Variants in SETBP1 observed in about 807,000 individuals in gnomAD.
The protein encoded by SETBP1 is SET-binding protein.
In SETBP1, 9 loss-of-function variants were observed where a neutral mutation model predicts 101.0. The ratio of observed to expected loss-of-function variants is 0.09; its 90% confidence interval spans 0.05 to 0.16. The LOEUF (loss-of-function observed/expected upper bound fraction) is 0.16, where lower values mean the gene tolerates loss of function less well. Among genes scored for constraint, SETBP1 ranks in the 10% least tolerant of loss-of-function variants. The pLI is 1.00. For synonymous variants in SETBP1, 818 were observed against 788.5 expected (o/e 1.04, Z -0.63); for missense variants, 1,858 against 2,033.8 (o/e 0.91, Z 1.66).
intron 2 of SETBP1, among the ~76,000 whole-genome samples, chr18:44,837,185 C>A (rs1418179108): frequency 1.3e-5 from 2 of 152,162 alleles, no homozygotes; most frequent in African/African-American, 4.8e-5. Flanking sequence ...CTTTGCTATG[C>A]ACTCCTTTTT....
intron 3 of SETBP1, among the ~76,000 whole-genome samples, chr18:44,936,640 C>T (rs1031061443): frequency 4.6e-5 from 7 of 152,144 alleles, no homozygotes; most frequent in African/African-American, 1.4e-4. Context: ...TCTAGGGGCA[C>T]GTTTGCTCTC....
At chr18:44,877,355 CT>C in intron 3 of SETBP1, 1 of 964,638 alleles carries the variant, frequency 1.0e-6, no homozygotes, top group Non-Finnish European at 1.2e-6. Flanking sequence ...GTTTGATAAG[CT>C]CTGTTCTAGT....
chr18:45,063,361 G>C lies in SETBP1; in HGVS notation c.4454G>C (p.Arg1485Thr). The C allele has an allele frequency of 6.4e-7, 1 of 1,572,972 alleles. No homozygotes were observed. Among genetic ancestry groups the C allele is most frequent in the Non-Finnish European group, 8.6e-7 (1 of 1,159,948 alleles). ...AAATGCATCGACCTGCCCAGCAAAA[G>C]AGGCCAGAAGCCCAGCCTGAGCCCG... Reference protein sequence around the residue: ...LEKCIDLPSKRGQKPSLSPLV... With the variant: ...LEKCIDLPSKTGQKPSLSPLV... The change falls in exon 6 of 6, where the codon AGA (arginine) becomes ACA (threonine). Residue 1485 changes from arginine to threonine, a missense_variant. Arg to Thr is a moderately conservative substitution (Grantham distance 71, BLOSUM62 -1). This residue lies in a region of SETBP1 where 178 missense variants were observed against 189.1 expected (regional missense o/e 0.94). Coordinates refer to ENST00000649279, the MANE Select transcript of SETBP1 (RefSeq NM_015559.3).
chr18:44,763,214 G>C (rs182409418), intron 2 of SETBP1, among the ~76,000 whole-genome samples: 398 of 152,342 alleles, frequency 2.6e-3, no homozygotes, highest in African/African-American at 8.8e-3. Flanking sequence ...AGTAACTACA[G>C]AGGCTGGAGT....
At chr18:44,803,777 T>C (rs1372615505) in intron 2 of SETBP1, among the ~76,000 whole-genome samples, 1 of 152,198 alleles carries the variant, frequency 6.6e-6, no homozygotes, top group African/African-American at 2.4e-5. Flanking sequence ...ACTCTTTCAC[T>C]TTATCCACCT....
In SETBP1 at chr18:44,714,206, C is replaced by CT. The variant is rs539590220; in HGVS notation, c.486+12384dup. ...GTTAAACAAGTTCTTCTTAGGTCTCCTTTTTTTTTTGAGAAGGAGTCTTGC... is the reference window on the plus strand; with the variant it reads ...GTTAAACAAGTTCTTCTTAGGTCTCCTTTTTTTTTTTGAGAAGGAGTCTTGC... On this transcript the variant is annotated intron_variant, in intron 2 of 5. Coordinates refer to ENST00000649279, the MANE Select transcript of SETBP1 (RefSeq NM_015559.3). Among the ~76,000 whole-genome samples, 77 of 148,244 alleles carry CT rather than the reference C, an allele frequency of 5.2e-4. No homozygotes were observed. The South Asian group carries it at 8.4e-3, about 16-fold the overall frequency.
chr18:44,705,600 C>A (rs1347703174), intron 2 of SETBP1, among the ~76,000 whole-genome samples: 1 of 152,124 alleles, frequency 6.6e-6, no homozygotes, highest in East Asian at 1.9e-4. Flanking sequence ...CAGCTCCAGG[C>A]AAAGACAGCT....
intron 4 of SETBP1, among the ~76,000 whole-genome samples, chr18:44,968,981 C>T (rs1408578947): frequency 6.6e-6 from 1 of 152,190 alleles, no homozygotes; most frequent in African/African-American, 2.4e-5. Context: ...TTCTTGCTGA[C>T]ATTTCTTTTT....
chr18:44,854,941 C>T (rs1009195482), intron 2 of SETBP1, among the ~76,000 whole-genome samples: 6 of 152,198 alleles, frequency 3.9e-5, no homozygotes, highest in Admixed American at 2.0e-4. Context: ...AATCTCTTTG[C>T]TGTTCCACCA....
At chr18:44,990,875 G>A (rs1470355471) in intron 4 of SETBP1, among the ~76,000 whole-genome samples, 1 of 141,234 alleles carries the variant, frequency 7.1e-6, no homozygotes, top group Non-Finnish European at 1.5e-5. Context: ...ATCTAAGTTA[G>A]CCACTAAACA....
intron 4 of SETBP1, among the ~76,000 whole-genome samples, chr18:45,025,850 A>G (rs189184480): frequency 7.9e-5 from 12 of 152,292 alleles, no homozygotes; most frequent in Admixed American, 7.8e-4. Context: ...AGATATGTCC[A>G]TAAAAGGTGA....
chr18:44,846,621 A>G (rs1410231368), intron 2 of SETBP1, among the ~76,000 whole-genome samples: 4 of 152,250 alleles, frequency 2.6e-5, no homozygotes, highest in African/African-American at 7.2e-5. Context: ...TTCCTGAGCT[A>G]GAAATAGGGA....
intron 1 of SETBP1, among the ~76,000 whole-genome samples, chr18:44,681,582 C>G (rs993761538): frequency 1.5e-5 from 2 of 137,388 alleles, no homozygotes; most frequent in African/African-American, 5.3e-5. Context: ...AGACCGCTTA[C>G]TACAAGTCTG....
rs143448822 is a variant in SETBP1, at chr18:44,759,706, A to G, written c.486+57874A>G. Among the ~76,000 whole-genome samples the G allele has an allele frequency of 5.3e-5, 8 of 152,350 alleles. No individual in the cohort carries two copies. The East Asian group carries it at 1.5e-3, about 29-fold the overall frequency. ...GAGAGAAAGGCAATTTGATTGAAGA[A>G]CTAATCTAGCACATTTTATGATGTT... On this transcript the variant is annotated intron_variant, in intron 2 of 5. Coordinates refer to ENST00000649279, the MANE Select transcript of SETBP1 (RefSeq NM_015559.3).
intron 2 of SETBP1, among the ~76,000 whole-genome samples, chr18:44,812,213 C>G (rs1020044190): frequency 1.3e-5 from 2 of 152,102 alleles, no homozygotes; most frequent in Admixed American, 1.3e-4. Context: ...TGCACACCCC[C>G]ACTTGTCCCC....
At chr18:44,937,155 T>TA (rs1223295996) in intron 3 of SETBP1, among the ~76,000 whole-genome samples, 1 of 152,160 alleles carries the variant, frequency 6.6e-6, no homozygotes, top group Non-Finnish European at 1.5e-5. Context: ...ACTCCCCCTT[T>TA]AAGATAGGCA....
At position 44,745,183 on chromosome 18, in the gene SETBP1, C is replaced by A. The variant is rs142583847; in HGVS notation, c.486+43351C>A. On this transcript the variant is annotated intron_variant, in intron 2 of 5. Coordinates refer to ENST00000649279, the MANE Select transcript of SETBP1 (RefSeq NM_015559.3). Reference sequence around the variant, plus strand: ...CCTTGTGAAGCTCTCAGAGCCCCCACCCCTTTCTTTAAATGCTTAAGGTAG... The same window carrying A: ...CCTTGTGAAGCTCTCAGAGCCCCCAACCCTTTCTTTAAATGCTTAAGGTAG... Among the ~76,000 whole-genome samples the A allele has an allele frequency of 1.2e-3, 177 of 152,272 alleles. 1 individual carries two copies. The highest frequency in any genetic ancestry group is 4.1e-3 in the African/African-American group (171 of 41,534).
At chr18:45,045,126 A>G (rs934434571) in intron 5 of SETBP1, among the ~76,000 whole-genome samples, 2 of 152,102 alleles carry the variant, frequency 1.3e-5, no homozygotes, top group African/African-American at 2.4e-5. Flanking sequence ...TACTAAAAAA[A>G]AAAATAAAAA....
intron 1 of SETBP1, among the ~76,000 whole-genome samples, chr18:44,693,666 C>A (rs2068969712): frequency 6.6e-6 from 1 of 152,178 alleles, no homozygotes; most frequent in Non-Finnish European, 1.5e-5. Flanking sequence ...CAGTCTCTTG[C>A]CAGAACCTGA....
Sources: gnomAD v4.1 joint callset for allele counts (sites outside exome capture counted in the v4.1 genomes callset) on GRCh38, gnomAD v4.1.1 for gene constraint, gnomAD v4.1.1 regional missense constraint, MANE v1.5 for transcripts, NCBI Gene and HGNC (gene_info 2026-07-23, HGNC 2026-07-21) for gene names.